Variants in RNGTT observed in about 807,000 individuals in gnomAD.
RNGTT encodes the protein RNA guanylyltransferase and 5'-phosphatase, also known as mRNA-capping enzyme.
In RNGTT, 33 loss-of-function variants were observed where a neutral mutation model predicts 79.3. The ratio of observed to expected loss-of-function variants is 0.42; its 90% CI spans 0.32 to 0.56. The LOEUF (loss-of-function observed/expected upper bound fraction) is 0.56, where lower values mean the gene tolerates loss of function less well. RNGTT is among the 20% of genes least tolerant of loss of function. RNGTT has a pLI of 0.17. For missense variants in RNGTT, 497 were observed against 739.1 expected, an observed-to-expected ratio of 0.67 and a Z score of 3.80; for synonymous variants, 222 against 235.9, an observed-to-expected ratio of 0.94 and a Z score of 0.54.
At chr6:88,729,176 C>T (rs185589361) in intron 13 of RNGTT, among the ~76,000 whole-genome samples, 127 of 152,284 alleles carry the variant, frequency 8.3e-4, no homozygotes, top group Admixed American at 3.6e-3. Context: ...TCACGACAGG[C>T]AGGAAACTTA....
chr6:88,784,064 T>C (rs760820528), intron 12 of RNGTT, among the ~76,000 whole-genome samples: 31 of 152,108 alleles, frequency 2.0e-4, no homozygotes, highest in Admixed American at 3.9e-4. Flanking sequence ...AGTGCTATAA[T>C]AGCTGAGAAA....
chr6:88,826,682 C>T (rs1033444840), intron 11 of RNGTT, among the ~76,000 whole-genome samples: 22 of 150,808 alleles, frequency 1.5e-4, no homozygotes, highest in Admixed American at 8.6e-4. Context: ...ACTTGGGAGG[C>T]TGAGGAAGGA....
chr6:88,697,016 T>C (rs73753002), intron 13 of RNGTT, among the ~76,000 whole-genome samples: 3,756 of 152,256 alleles, frequency 0.025, 140 homozygotes, highest in African/African-American at 0.085. Flanking sequence ...TTGTTGTTTT[T>C]GAAATTACAG....
rs114084343 is a variant in RNGTT, at chr6:88,928,191, G to A, written c.367+794C>T. ...CGCAGCACTGCACTCCGGCCCGGGC[G>A]ATACAGCAAGACTTTGTCTCAAAAA... On this transcript the variant is annotated intron_variant, in intron 4 of 15. Transcript: ENST00000369485. Among the ~76,000 whole-genome samples the A allele has an allele frequency of 3.2e-3, 493 of 152,014 alleles. 1 individual carries two copies. Among genetic ancestry groups the A allele is most frequent in the African/African-American group, 0.011 (469 of 41,454 alleles).
intron 12 of RNGTT, among the ~76,000 whole-genome samples, chr6:88,786,169 T>C (rs549795449): frequency 6.6e-6 from 1 of 152,180 alleles, no homozygotes; most frequent in Non-Finnish European, 1.5e-5. Context: ...TTCATAGTGA[T>C]AGATTAATGG....
intron 8 of RNGTT, among the ~76,000 whole-genome samples, chr6:88,870,927 G>A (rs1017899180): frequency 6.6e-5 from 10 of 152,142 alleles, no homozygotes; most frequent in African/African-American, 2.4e-4. Flanking sequence ...CTGCCATCTA[G>A]CGAAGTCATA....
intron 13 of RNGTT, among the ~76,000 whole-genome samples, chr6:88,764,648 T>C (rs2127838799): frequency 6.6e-6 from 1 of 152,306 alleles, no homozygotes; most frequent in East Asian, 1.9e-4. Flanking sequence ...ATTCCATCAC[T>C]GAATATTTCT....
chr6:88,826,341 T>G (rs1327886098), intron 11 of RNGTT, among the ~76,000 whole-genome samples: 2 of 152,232 alleles, frequency 1.3e-5, no homozygotes, highest in African/African-American at 2.4e-5. Context: ...TTCACACTCA[T>G]GCCTTAGAGA....
At chr6:88,681,026 G>A (rs1015609014) in intron 13 of RNGTT, among the ~76,000 whole-genome samples, 8 of 151,972 alleles carry the variant, frequency 5.3e-5, no homozygotes, top group African/African-American at 9.7e-5. Flanking sequence ...ACTTTAAATC[G>A]CTCCCAAATC....
chr6:88,761,479 A>AG (rs1470552988), intron 13 of RNGTT, among the ~76,000 whole-genome samples: 1 of 150,616 alleles, frequency 6.6e-6, no homozygotes, highest in Non-Finnish European at 1.5e-5. Flanking sequence ...CAACAGAGTA[A>AG]GTCTCTATCT....
At chr6:88,923,402 C>A (rs1010260887) in intron 4 of RNGTT, among the ~76,000 whole-genome samples, 2 of 152,156 alleles carry the variant, frequency 1.3e-5, no homozygotes, top group African/African-American at 4.8e-5. Context: ...TTGAGAAATA[C>A]CACCATGTTC....
At chr6:88,748,840 T>C (rs1378962401) in intron 13 of RNGTT, among the ~76,000 whole-genome samples, 2 of 151,970 alleles carry the variant, frequency 1.3e-5, no homozygotes, top group East Asian at 3.9e-4. Flanking sequence ...AACAATGTAA[T>C]GCACTTTCCA....
intron 13 of RNGTT, among the ~76,000 whole-genome samples, chr6:88,753,644 C>T (rs1777911905): frequency 1.3e-5 from 2 of 151,598 alleles, no homozygotes; most frequent in Admixed American, 6.6e-5. Flanking sequence ...AATATTAATC[C>T]ACCCAAAATG....
intron 14 of RNGTT, among the ~76,000 whole-genome samples, chr6:88,625,679 C>T (rs564401367): frequency 4.0e-5 from 6 of 151,664 alleles, no homozygotes; most frequent in Admixed American, 3.3e-4. Context: ...GGCTCTATGC[C>T]TATATGCACT....
intron 8 of RNGTT, among the ~76,000 whole-genome samples, chr6:88,875,959 A>G (rs1426175349): frequency 6.6e-6 from 1 of 152,174 alleles, no homozygotes; most frequent in African/African-American, 2.4e-5. Flanking sequence ...ACACTCAAGC[A>G]CTGCTGTTCG....
At position 88,674,277 on chromosome 6, in the gene RNGTT, G is replaced by A. The variant is rs535915517; in HGVS notation, c.1506+4076C>T. ...GTTGATATTGTGGTGGCCAGGCATG[G>A]TGGCTCACACCTGTAATCCCGGCAC... is the stretch of plus-strand genomic sequence containing the variant. On this transcript the variant is annotated intron_variant, in intron 14 of 15. Coordinates refer to ENST00000369485, the MANE Select transcript of RNGTT (RefSeq NM_003800.5). 8.5e-5 allele frequency among the ~76,000 whole-genome samples: 13 copies of A among 152,274 alleles called. 1 individual carries two copies. In the South Asian group the frequency reaches 2.7e-3, roughly 32 times the overall value.
intron 8 of RNGTT, among the ~76,000 whole-genome samples, chr6:88,888,266 C>T (rs1174670412): frequency 2.0e-5 from 3 of 152,134 alleles, no homozygotes; most frequent in Non-Finnish European, 4.4e-5. Flanking sequence ...CTTGACCTCA[C>T]GTTTTCCACT....
intron 2 of RNGTT, among the ~76,000 whole-genome samples, chr6:88,940,831 C>A (rs1043660730): frequency 3.3e-5 from 5 of 152,114 alleles, no homozygotes; most frequent in African/African-American, 9.7e-5. Context: ...GATCTGCAAT[C>A]AGTTAACAGT....
intron 13 of RNGTT, among the ~76,000 whole-genome samples, chr6:88,708,709 T>C (rs941502318): frequency 2.6e-5 from 4 of 152,198 alleles, no homozygotes; most frequent in African/African-American, 9.7e-5. Context: ...CTTTGGGGTT[T>C]GCAGACTTTT....
Sources: gnomAD v4.1 joint callset for allele counts (sites outside exome capture counted in the v4.1 genomes callset) on GRCh38, gnomAD v4.1.1 for gene constraint, MANE v1.5 for transcripts, NCBI Gene and HGNC (gene_info 2026-07-23, HGNC 2026-07-21) for gene names.